The following EYS variants were observed in gnomAD, a reference collection of about 807,000 sequenced individuals.
EYS encodes the protein EGF-like photoreceptor maintenance factor.
EYS carries 250 observed loss-of-function variants against 282.1 expected under a neutral mutation model. That is an observed-to-expected ratio of 0.89 (90% CI 0.80 to 0.98). The LOEUF (loss-of-function observed/expected upper bound fraction) is 0.98, where lower values mean the gene tolerates loss of function less well. Ranked by LOEUF, EYS falls within the 50% of genes least tolerant of loss-of-function variation. The pLI, the probability that EYS is intolerant of heterozygous loss-of-function variation, is 0.00. For synonymous variants in EYS, 1,355 were observed against 1,282.9 expected (o/e 1.06, Z -1.20); for missense variants, 4,016 against 3,709.0 (o/e 1.08, Z -2.15).
chr6:64,011,117 C>T (rs1004581542), intron 33 of EYS, among the ~76,000 whole-genome samples: 2 of 152,096 alleles, frequency 1.3e-5, no homozygotes, highest in African/African-American at 4.8e-5. Context: ...TATATCTTAG[C>T]AAGTATGTAC....
At chr6:65,647,077 T>C (rs1767477646) in intron 1 of EYS, among the ~76,000 whole-genome samples, 1 of 151,988 alleles carries the variant, frequency 6.6e-6, no homozygotes, top group Non-Finnish European at 1.5e-5. Context: ...ATCATGAAAA[T>C]GACCATACTG....
chr6:64,824,896 A>G (rs1765006530), intron 19 of EYS, among the ~76,000 whole-genome samples: 1 of 151,880 alleles, frequency 6.6e-6, no homozygotes, highest in African/African-American at 2.4e-5. Flanking sequence ...TGACTTTCTA[A>G]GTAGCCTCCA....
chr6:64,869,379 C>T (rs950120725), intron 19 of EYS, among the ~76,000 whole-genome samples: 12 of 151,450 alleles, frequency 7.9e-5, no homozygotes, highest in African/African-American at 2.7e-4. Flanking sequence ...CAGGGAAAGT[C>T]CCTGCCCTCA....
intron 12 of EYS, among the ~76,000 whole-genome samples, chr6:65,175,561 G>A (rs1765204890): frequency 6.6e-6 from 1 of 151,358 alleles, no homozygotes; most frequent in Non-Finnish European, 1.5e-5. Flanking sequence ...GTTGTTTGTG[G>A]TCATAAGTGA....
At chr6:64,528,000 C>T (rs1481449170) in intron 26 of EYS, among the ~76,000 whole-genome samples, 1 of 151,604 alleles carries the variant, frequency 6.6e-6, no homozygotes, top group Non-Finnish European at 1.5e-5. Context: ...ATAAGTATAT[C>T]ACATATATAT....
At chr6:64,625,726 T>C (rs1767587411) in intron 23 of EYS, among the ~76,000 whole-genome samples, 1 of 152,208 alleles carries the variant, frequency 6.6e-6, no homozygotes, top group South Asian at 2.1e-4. Flanking sequence ...TTTATTCAGC[T>C]CGTCCATCTC....
intron 37 of EYS, among the ~76,000 whole-genome samples, chr6:63,792,130 T>C (rs1321775485): frequency 6.6e-6 from 1 of 151,690 alleles, no homozygotes; most frequent in Non-Finnish European, 1.5e-5. Flanking sequence ...GGGAAAAGGC[T>C]GAGTTTAGTT....
intron 29 of EYS, among the ~76,000 whole-genome samples, chr6:64,366,562 G>T (rs1193995321): frequency 1.3e-5 from 2 of 152,000 alleles, no homozygotes; most frequent in Non-Finnish European, 1.5e-5. Flanking sequence ...CTAAGAGTGG[G>T]ATGATGTTTG....
At chr6:65,555,953 C>A (rs1217227625) in intron 2 of EYS, among the ~76,000 whole-genome samples, 1 of 152,092 alleles carries the variant, frequency 6.6e-6, no homozygotes, top group Non-Finnish European at 1.5e-5. Flanking sequence ...CCTTTATTTT[C>A]ACTTTTTTAA....
intron 11 of EYS, among the ~76,000 whole-genome samples, chr6:65,322,265 G>C (rs1048073291): frequency 2.0e-5 from 3 of 152,174 alleles, no homozygotes; most frequent in Non-Finnish European, 4.4e-5. Context: ...TCACCTTCAA[G>C]AGAAAGAAGT....
chr6:64,470,935 C>T (rs879632000), intron 26 of EYS, among the ~76,000 whole-genome samples: 2 of 152,104 alleles, frequency 1.3e-5, no homozygotes, highest in East Asian at 1.9e-4. Flanking sequence ...TAGCTTAAAA[C>T]TTCCCAAGGC....
At position 65,069,879 on chromosome 6, in the gene EYS, T is replaced by C. The variant is rs573654083; in HGVS notation, c.2024-12152A>G. Among the ~76,000 whole-genome samples, 6 of 152,020 alleles carry C rather than the reference T, an allele frequency of 3.9e-5. No individual in the cohort carries two copies. The South Asian group carries it at 6.2e-4, about 16-fold the overall frequency. ...ATAGTCAGATTTATATTTTCCAATA[T>C]AAATCATTATCTTTCTCCCAAACCT... is the stretch of plus-strand genomic sequence containing the variant. On this transcript the variant is annotated intron_variant, in intron 12 of 42. Transcript: ENST00000503581.
chr6:64,971,342 A>T (rs1224668843), intron 14 of EYS, among the ~76,000 whole-genome samples: 1 of 152,088 alleles, frequency 6.6e-6, no homozygotes, highest in Non-Finnish European at 1.5e-5. Flanking sequence ...CATGGATGAA[A>T]AGTGAGCATC....
At chr6:65,140,782 C>T (rs1368525847) in intron 12 of EYS, among the ~76,000 whole-genome samples, 1 of 151,706 alleles carries the variant, frequency 6.6e-6, no homozygotes, top group Non-Finnish European at 1.5e-5. Context: ...CAAATCAAAA[C>T]CACAATGAGA....
At chr6:63,905,128 T>G (rs995812914) in intron 35 of EYS, among the ~76,000 whole-genome samples, 1 of 152,164 alleles carries the variant, frequency 6.6e-6, no homozygotes, top group Non-Finnish European at 1.5e-5. Context: ...AGTATGGATG[T>G]TTCATATAAA....
intron 11 of EYS, 62 bp downstream of exon 11, chr6:65,334,918 C>T (rs1180968576): frequency 6.8e-7 from 1 of 1,468,852 alleles, no homozygotes; most frequent in Non-Finnish European, 9.5e-7. Flanking sequence ...AGTTCGATGA[C>T]TATCAATTTA....
intron 30 of EYS, among the ~76,000 whole-genome samples, chr6:64,245,848 G>A (rs1766993368): frequency 6.6e-6 from 1 of 151,528 alleles, no homozygotes; most frequent in South Asian, 2.1e-4. Flanking sequence ...AGAATTTTGG[G>A]TCTCTACTAA....
intron 8 of EYS, among the ~76,000 whole-genome samples, chr6:65,376,697 A>G (rs946822375): frequency 6.6e-6 from 1 of 152,190 alleles, no homozygotes; most frequent in African/African-American, 2.4e-5. Flanking sequence ...AACAAATGGA[A>G]AGCAAAAAAA....
chr6:64,140,000 AATAAATAAATAG>A (rs910178186), intron 31 of EYS, among the ~76,000 whole-genome samples: 9 of 151,106 alleles, frequency 6.0e-5, no homozygotes, highest in African/African-American at 1.5e-4. Context: ...TAAATAAATA[AATAAATAAATAG>A]GATAATGGAC....
Sources: gnomAD v4.1 joint callset for allele counts (sites outside exome capture counted in the v4.1 genomes callset) on GRCh38, gnomAD v4.1.1 for gene constraint, MANE v1.5 for transcripts, NCBI Gene and HGNC (gene_info 2026-07-23, HGNC 2026-07-21) for gene names.